ZNF674: variants seen among roughly 807,000 people sequenced by gnomAD.
ZNF674 encodes the protein zinc finger family member 674.
Under a neutral mutation model 7.0 loss-of-function variants are expected in ZNF674, and 2 were observed. The ratio of observed to expected loss-of-function variants is 0.29; its 90% CI spans 0.12 to 0.90. The LOEUF (loss-of-function observed/expected upper bound fraction) is 0.90, where lower values mean the gene tolerates loss of function less well. ZNF674 is among the 40% of genes least tolerant of loss of function. The pLI is 0.57. For missense variants in ZNF674, 297 were observed against 415.5 expected (o/e 0.71, Z 2.48); for synonymous variants, 103 against 145.2 (o/e 0.71, Z 2.09).
chrX:46,505,768 T>TCTCACACACACACACA (rs377176227), intron 5 of ZNF674, among the ~76,000 whole-genome samples: 22 of 100,230 alleles, frequency 2.2e-4, no homozygotes, highest in African/African-American at 8.1e-4. Flanking sequence ...CAAAACTCTG[T>TCTCACACACACACACA]CACACACACA....
intron 3 of ZNF674, among the ~76,000 whole-genome samples, chrX:46,531,561 A>C (rs972770525): frequency 9.0e-6 from 1 of 111,265 alleles, no homozygotes; most frequent in African/African-American, 3.3e-5. Flanking sequence ...ATTTGGGTAA[A>C]CAGCCTGGGG....
chrX:46,504,172 CA>C (rs1251145334), intron 5 of ZNF674, among the ~76,000 whole-genome samples: 4 of 111,547 alleles, frequency 3.6e-5, no homozygotes, highest in Non-Finnish European at 7.5e-5. Flanking sequence ...AGAATGACAA[CA>C]AAATTTTAGA....
At chrX:46,521,811 C>A (rs1196438250) in intron 5 of ZNF674, among the ~76,000 whole-genome samples, 4 of 109,310 alleles carry the variant, frequency 3.7e-5, no homozygotes, top group Non-Finnish European at 1.9e-5. Flanking sequence ...ATTGCTTCAA[C>A]CCAGGAGGCA....
At chrX:46,524,122 T>C (rs749147635) in intron 5 of ZNF674, among the ~76,000 whole-genome samples, 96 of 110,847 alleles carry the variant, frequency 8.7e-4, no homozygotes, top group African/African-American at 3.0e-3. Flanking sequence ...ACTGATGAAG[T>C]CTACAGAACA....
At chrX:46,501,805 A>G (rs1458322220) in intron 5 of ZNF674, among the ~76,000 whole-genome samples, 1 of 109,721 alleles carries the variant, frequency 9.1e-6, no homozygotes, top group East Asian at 2.8e-4. Context: ...GAGTTACAGA[A>G]TTAGGCTTTT....
At chrX:46,522,622 C>T (rs1243633821) in intron 5 of ZNF674, among the ~76,000 whole-genome samples, 2 of 111,940 alleles carry the variant, frequency 1.8e-5, no homozygotes, top group Non-Finnish European at 3.8e-5. Flanking sequence ...TATGATCACA[C>T]CACTGCACTC....
intron 3 of ZNF674, among the ~76,000 whole-genome samples, chrX:46,531,949 G>A (rs1052788856): frequency 1.8e-5 from 2 of 111,828 alleles, no homozygotes; most frequent in South Asian, 3.7e-4. Flanking sequence ...GGCGAATCAC[G>A]AGGTCAGGAG....
intron 5 of ZNF674, chrX:46,525,295 C>A: frequency 3.6e-6 from 1 of 275,253 alleles, no homozygotes; most frequent in Non-Finnish European, 6.9e-6. Context: ...ACTAAAGATC[C>A]TAGCCAGTAA....
At chrX:46,541,837 GAGA>G (rs755548337) in intron 3 of ZNF674, among the ~76,000 whole-genome samples, 8 of 112,003 alleles carry the variant, frequency 7.1e-5, no homozygotes, top group African/African-American at 2.6e-4. Flanking sequence ...ATTCTTCTCT[GAGA>G]AGAAGAAGAA....
chrX:46,512,469 A>T (rs1320835995), intron 5 of ZNF674, among the ~76,000 whole-genome samples: 1 of 109,385 alleles, frequency 9.1e-6, no homozygotes, highest in Non-Finnish European at 1.9e-5. Flanking sequence ...ACTTAAAATT[A>T]CACAAAAAGG....
intron 5 of ZNF674, among the ~76,000 whole-genome samples, chrX:46,517,010 AAAAAAAGAAAAAG>A (rs369787430): frequency 9.0e-6 from 1 of 110,815 alleles, no homozygotes; most frequent in African/African-American, 3.3e-5. Flanking sequence ...TCTCAAAAAA[AAAAAAAGAAAAAG>A]AAAAAAGAAA....
At chrX:46,539,290 G>A (rs1310693534) in intron 3 of ZNF674, among the ~76,000 whole-genome samples, 2 of 112,808 alleles carry the variant, frequency 1.8e-5, no homozygotes, top group East Asian at 5.5e-4. Flanking sequence ...CAAAGCATTG[G>A]ATAATGCACT....
At chrX:46,534,646 C>G (rs1942170663) in intron 3 of ZNF674, among the ~76,000 whole-genome samples, 1 of 111,689 alleles carries the variant, frequency 9.0e-6, no homozygotes, top group Admixed American at 9.5e-5. Flanking sequence ...CTGGTGTGAG[C>G]CACCGCACCC....
At chrX:46,524,694 AAAAG>A (rs1228635518) in intron 5 of ZNF674, among the ~76,000 whole-genome samples, 1 of 107,597 alleles carries the variant, frequency 9.3e-6, no homozygotes, top group Non-Finnish European at 1.9e-5. Context: ...CGAAAAGAAA[AAAAG>A]AAAAAAAAAA....
chrX:46,507,106 G>A (rs1415678467), intron 5 of ZNF674, among the ~76,000 whole-genome samples: 1 of 111,726 alleles, frequency 9.0e-6, no homozygotes, highest in Non-Finnish European at 1.9e-5. Context: ...CAGCACTTTG[G>A]GAGGCTGAGG....
chrX:46,499,282 C>A lies in ZNF674; in HGVS notation c.*561G>T, dbSNP rs1267197508. 2 of 111,837 alleles carry A rather than the reference C, an allele frequency of 1.8e-5. No individual in the cohort carries two copies. Among genetic ancestry groups the A allele is most frequent in the Non-Finnish European group, 3.8e-5 (2 of 53,293 alleles). 9.2% of individuals were successfully genotyped at this position (111,837 alleles called of 1,213,427 possible). The stretch of plus-strand genomic sequence containing the variant: ...GGCTCAAGCCACCCTCCTACTTCAA[C>A]CTCCTGAGTAGCTGGGACTAAAGGT... On this transcript the variant is annotated 3_prime_UTR_variant, in exon 6 of 6. Transcript: ENST00000683375.
chrX:46,519,264 A>T (rs1421552169), intron 5 of ZNF674, among the ~76,000 whole-genome samples: 1 of 57,780 alleles, frequency 1.7e-5, no homozygotes, highest in African/African-American at 7.0e-5. Context: ...ATAGATAGAT[A>T]AAGATAGATG....
intron 5 of ZNF674, among the ~76,000 whole-genome samples, chrX:46,519,379 G>A (rs1360388035): frequency 9.2e-6 from 1 of 109,276 alleles, no homozygotes; most frequent in African/African-American, 3.3e-5. Flanking sequence ...AGGCTGAGGC[G>A]GGTGGATCAC....
chrX:46,500,681 G>A lies in ZNF674; in HGVS notation c.893C>T (p.Thr298Ile). ...STLIKHQRTH[T>I]GEKPFVCDKC... ...GTCACATACAAATGGTTTCTCTCCT[G>A]TATGAGTTCGTTGATGTTTAATCAG... The change falls in exon 6 of 6, where the codon ACA becomes ATA. Residue 298 changes from threonine (T) to isoleucine (I), a missense_variant. Transcript: ENST00000683375. The A allele has an allele frequency of 8.3e-7, 1 of 1,211,807 alleles. No individual in the cohort carries two copies. The highest frequency in any genetic ancestry group is 1.1e-6 in the Non-Finnish European group (1 of 895,463).
Sources: allele counts gnomAD v4.1 joint callset (sites outside exome capture counted in the v4.1 genomes callset), GRCh38; gene constraint gnomAD v4.1.1; transcripts MANE v1.5; gene names NCBI Gene and HGNC (gene_info 2026-07-23, HGNC 2026-07-21).